The following CD2AP variants were observed in gnomAD, a reference collection of about 807,000 sequenced individuals.
The protein encoded by CD2AP is CD2-associated protein.
Under a neutral mutation model 85.1 loss-of-function variants are expected in CD2AP, and 46 were observed. That is an observed-to-expected ratio of 0.54 (90% CI 0.43 to 0.69). The LOEUF is 0.69. CD2AP is among the 30% of genes least tolerant of loss of function. The probability of loss-of-function intolerance (pLI) is 0.00; values close to 1 mark genes in which losing one functional copy is unlikely to be tolerated. For synonymous variants in CD2AP, 255 were observed against 252.9 expected, an observed-to-expected ratio of 1.01 and a Z score of -0.08; for missense variants, 769 against 729.5, an observed-to-expected ratio of 1.05 and a Z score of -0.62.
At chr6:47,569,310 A>T (rs1768085583) in intron 5 of CD2AP, among the ~76,000 whole-genome samples, 1 of 152,136 alleles carries the variant, frequency 6.6e-6, no homozygotes, top group Non-Finnish European at 1.5e-5. Context: ...AATGCGTTTC[A>T]CATTATGGCT....
chr6:47,591,608 A>G (rs1192368184), intron 11 of CD2AP, among the ~76,000 whole-genome samples: 1 of 152,132 alleles, frequency 6.6e-6, no homozygotes, highest in Non-Finnish European at 1.5e-5. Flanking sequence ...TTTGGTGCCC[A>G]TATTATCACT....
intron 1 of CD2AP, among the ~76,000 whole-genome samples, chr6:47,481,538 G>A (rs1420283568): frequency 2.0e-5 from 3 of 152,022 alleles, no homozygotes; most frequent in African/African-American, 4.8e-5. Context: ...TAGAGACAGG[G>A]TTTCACCATG....
chr6:47,579,320 G>C (rs1220327828), intron 8 of CD2AP, 65 bp from the exon 9 acceptor site: 1 of 936,550 alleles, frequency 1.1e-6, no homozygotes. Flanking sequence ...GGCCAACAGA[G>C]CAACACTTTA....
At position 47,608,043 on chromosome 6, in the gene CD2AP, G is replaced by A. The variant is rs1769322182; in HGVS notation, c.1632+15G>A. 6.4e-7 allele frequency: 1 copy of A among 1,565,616 alleles called. No homozygotes were observed. The highest frequency in any genetic ancestry group is 8.8e-7 in the Non-Finnish European group (1 of 1,136,388). ...ACTCTCCAAAGGTGAGGTGCATTGT[G>A]GTCTAAGGTTTGTTGACTTTCTGGG... On this transcript the variant is annotated intron_variant, in intron 15 of 17. Coordinates refer to ENST00000359314, the MANE Select transcript of CD2AP (RefSeq NM_012120.3).
intron 13 of CD2AP, among the ~76,000 whole-genome samples, chr6:47,600,168 TTAACTC>T (rs1769091426): frequency 1.3e-5 from 2 of 151,968 alleles, no homozygotes; most frequent in Admixed American, 1.3e-4. Context: ...TGTTCTTAGT[TTAACTC>T]TAGGAAGCAG....
chr6:47,619,454 T>C (rs1008684183), intron 17 of CD2AP, among the ~76,000 whole-genome samples: 2 of 152,248 alleles, frequency 1.3e-5, no homozygotes, highest in African/African-American at 4.8e-5. Context: ...ACAGTTTCTT[T>C]ATCCAGTTGT....
chr6:47,606,165 ATGTTG>A lies in CD2AP; in HGVS notation c.1420_1424del (p.Val474LysfsTer3). On this transcript the variant is annotated frameshift_variant and splice_region_variant, in exon 14 of 18. Transcript: ENST00000359314. LOFTEE classifies it high-confidence loss of function. ...AATAATGTTTATTTTTATTTTCTAG[ATGTTG>A]TAAATTTTGATGACATAGCTTCCTC... 1 of 1,455,156 alleles carries A rather than the reference ATGTTG, an allele frequency of 6.9e-7. No individual in the cohort carries two copies. The highest frequency in any genetic ancestry group is 9.7e-7 in the Non-Finnish European group (1 of 1,035,594). The allele number at this position is 1,455,156 out of a possible 1,614,324, so 90.1% of individuals were successfully genotyped here.
At chr6:47,532,043 C>T (rs1398727241) in intron 2 of CD2AP, among the ~76,000 whole-genome samples, 1 of 150,922 alleles carries the variant, frequency 6.6e-6, no homozygotes, top group Non-Finnish European at 1.5e-5. Context: ...CAGTGCACTC[C>T]AGCCTGGGCA....
Position 47,554,761 on chromosome 6 carries a change from A to G in CD2AP, c.536A>G (p.Asp179Gly). The G allele has an allele frequency of 6.2e-7, 1 of 1,610,602 alleles. No individual in the cohort carries two copies. Among genetic ancestry groups the G allele is most frequent in the Non-Finnish European group, 8.5e-7 (1 of 1,178,176 alleles). The change falls in exon 5 of 18, where the codon GAT (aspartate) becomes GGT (glycine). Residue 179 changes from aspartate to glycine, a missense_variant. Transcript: ENST00000359314. ...GGTGAAACTCATGAAGCCCAGGACG[A>G]TTCAGGTAGACTATTTTTTAAAATT... The part of the protein sequence containing the change: ...DDGETHEAQD[D>G]SETVLAGPTS...
At chr6:47,622,908 T>G (rs1353696576) in intron 17 of CD2AP, among the ~76,000 whole-genome samples, 1 of 152,232 alleles carries the variant, frequency 6.6e-6, no homozygotes, top group Non-Finnish European at 1.5e-5. Context: ...AATAGCAGTT[T>G]ACAAGAAGTA....
intron 2 of CD2AP, among the ~76,000 whole-genome samples, chr6:47,520,361 A>T (rs1355397279): frequency 6.6e-6 from 1 of 152,220 alleles, no homozygotes; most frequent in East Asian, 1.9e-4. Context: ...TGCTGAAAAA[A>T]GTGAAATGAA....
At chr6:47,614,400 G>T (rs1013796557) in intron 17 of CD2AP, among the ~76,000 whole-genome samples, 1 of 152,130 alleles carries the variant, frequency 6.6e-6, no homozygotes, top group Admixed American at 6.6e-5. Flanking sequence ...ATTATTAGGC[G>T]TGTTCTATCT....
intron 17 of CD2AP, among the ~76,000 whole-genome samples, chr6:47,623,268 A>G (rs1464205174): frequency 6.6e-6 from 1 of 152,232 alleles, no homozygotes; most frequent in African/African-American, 2.4e-5. Context: ...TGTTTGTCGA[A>G]GCTAGCCAAA....
chr6:47,533,181 G>A (rs1766934367), intron 2 of CD2AP, among the ~76,000 whole-genome samples: 2 of 152,154 alleles, frequency 1.3e-5, no homozygotes, highest in African/African-American at 4.8e-5. Flanking sequence ...TTAAATATCT[G>A]ACTGCATTTA....
At position 47,500,430 on chromosome 6, in the gene CD2AP, T is replaced by G. The variant is rs370436090; in HGVS notation, c.5-2850T>G. On this transcript the variant is annotated intron_variant, in intron 1 of 17. Transcript: ENST00000359314. Reference sequence around the variant, plus strand: ...TTGGCTTTATCAGCTGTGCATCCCCTTTCAGACATTTGTTAAAATTTCTTG... The same window carrying G: ...TTGGCTTTATCAGCTGTGCATCCCCGTTCAGACATTTGTTAAAATTTCTTG... Among the ~76,000 whole-genome samples the G allele has an allele frequency of 9.4e-4, 143 of 152,290 alleles. 3 individuals are homozygous for G. In the South Asian group the frequency reaches 0.029, roughly 31 times the overall value.
rs757758775 is a variant in CD2AP at position 47,612,519 on chromosome 6, A to G, written c.1861A>G (p.Met621Val). 2 of 1,607,222 alleles carry G rather than the reference A, an allele frequency of 1.2e-6. No homozygotes were observed. Among genetic ancestry groups the G allele is most frequent in the East Asian group, 4.5e-5 (2 of 44,640 alleles). The change falls in exon 17 of 18, where the codon ATG becomes GTG. Residue 621 changes from methionine (M) to valine (V), a missense_variant. Physicochemically the swap from Met to Val is conservative, Grantham distance 21. Coordinates refer to ENST00000359314, the MANE Select transcript of CD2AP (RefSeq NM_012120.3). The part of the protein sequence containing the change: ...LRKDLEEEKT[M>V]RSNLEMEIEK... ...AAAAGATTTGGAAGAAGAGAAGACA[A>G]TGAGAAGTAATCTAGAGGTAATTAA...
chr6:47,516,044 C>T (rs1766444508), intron 2 of CD2AP, among the ~76,000 whole-genome samples: 1 of 152,124 alleles, frequency 6.6e-6, no homozygotes, highest in Admixed American at 6.5e-5. Flanking sequence ...TGTGTTCTGC[C>T]TCTATCCCTG....
At chr6:47,519,600 G>A (rs1173392940) in intron 2 of CD2AP, among the ~76,000 whole-genome samples, 1 of 152,170 alleles carries the variant, frequency 6.6e-6, no homozygotes, top group Admixed American at 6.5e-5. Context: ...TACCTGTTAG[G>A]ATTGTTTGGT....
At chr6:47,583,651 T>C (rs1768540695) in intron 11 of CD2AP, among the ~76,000 whole-genome samples, 1 of 152,246 alleles carries the variant, frequency 6.6e-6, no homozygotes, top group African/African-American at 2.4e-5. Context: ...TTCCACAGTT[T>C]ATTAATCCAC....
Sources: gnomAD v4.1 joint callset for allele counts (sites outside exome capture counted in the v4.1 genomes callset) on GRCh38, gnomAD v4.1.1 for gene constraint, MANE v1.5 for transcripts, NCBI Gene and HGNC (gene_info 2026-07-23, HGNC 2026-07-21) for gene names.